LUZP2: variants seen among roughly 807,000 people sequenced by gnomAD.
LUZP2 encodes the protein leucine zipper protein 2.
LUZP2 carries 52 observed loss-of-function variants against 51.6 expected under a neutral mutation model. That is an observed-to-expected ratio of 1.01 (90% CI 0.81 to 1.27). The LOEUF (loss-of-function observed/expected upper bound fraction) is 1.27, where lower values mean the gene tolerates loss of function less well. Among genes scored for constraint, LUZP2 ranks in the 50% most tolerant of loss-of-function variants. LUZP2 has a pLI of 0.00. For synonymous variants in LUZP2, 154 were observed against 137.3 expected, an observed-to-expected ratio of 1.12 and a Z score of -0.85; for missense variants, 436 against 395.4, an observed-to-expected ratio of 1.10 and a Z score of -0.87.
intron 9 of LUZP2, among the ~76,000 whole-genome samples, chr11:25,001,464 A>C (rs1856679653): frequency 6.6e-6 from 1 of 152,152 alleles, no homozygotes; most frequent in Admixed American, 6.6e-5. Flanking sequence ...TAAGATTTAG[A>C]TCCCCTGTTA....
At chr11:24,926,245 A>G (rs190298969) in intron 7 of LUZP2, among the ~76,000 whole-genome samples, 3 of 146,462 alleles carry the variant, frequency 2.0e-5, no homozygotes, top group Admixed American at 6.9e-5. Flanking sequence ...ATGTGTGTGT[A>G]TATATATACG....
intron 5 of LUZP2, among the ~76,000 whole-genome samples, chr11:24,875,825 G>C (rs1852239819): frequency 6.6e-6 from 1 of 152,146 alleles, no homozygotes; most frequent in Non-Finnish European, 1.5e-5. Context: ...TCTCATTGTG[G>C]TTTTGATTTG....
chr11:24,977,796 T>A lies in LUZP2; in HGVS notation c.597+1131T>A, dbSNP rs564426196. On this transcript the variant is annotated intron_variant, in intron 8 of 11. Coordinates refer to ENST00000336930, the MANE Select transcript of LUZP2 (RefSeq NM_001009909.4). ...GATATATGTAACAAGTATATATGTATTTTATTATCAAAATTTTGCTTTTAA... is the reference window on the plus strand; with the variant it reads ...GATATATGTAACAAGTATATATGTAATTTATTATCAAAATTTTGCTTTTAA... Among the ~76,000 whole-genome samples the A allele has an allele frequency of 3.3e-5, 5 of 151,716 alleles. No homozygotes were observed. In the East Asian group the frequency reaches 9.7e-4, roughly 29 times the overall value.
At chr11:24,530,762 C>CTTTTTTTTTTTTTTTT (rs367857815) in intron 1 of LUZP2, among the ~76,000 whole-genome samples, 4 of 75,382 alleles carry the variant, frequency 5.3e-5, no homozygotes, top group African/African-American at 8.6e-5. Context: ...CTTCTTCTTA[C>CTTTTTTTTTTTTTTTT]TTTTTTTTTT....
intron 7 of LUZP2, among the ~76,000 whole-genome samples, chr11:24,961,405 G>T (rs1051366717): frequency 2.6e-5 from 4 of 152,066 alleles, no homozygotes; most frequent in African/African-American, 9.7e-5. Flanking sequence ...GGTCACTCAG[G>T]ACTTGCTTTA....
chr11:24,930,347 G>T (rs1005365954), intron 7 of LUZP2, among the ~76,000 whole-genome samples: 7 of 152,210 alleles, frequency 4.6e-5, no homozygotes, highest in Middle Eastern at 3.4e-3. Flanking sequence ...GCTTTAAGGA[G>T]ATTCTATTTT....
intron 6 of LUZP2, 51 bp downstream of exon 6, chr11:24,906,104 T>G (rs751581559): frequency 7.2e-7 from 1 of 1,393,484 alleles, no homozygotes; most frequent in South Asian, 1.2e-5. Flanking sequence ...AACAGTATTA[T>G]TGTCAGATTT....
chr11:25,000,071 G>GGTCCATTTTACAGAGTGCTGATTC (rs1182552217), intron 9 of LUZP2, among the ~76,000 whole-genome samples: 1 of 152,102 alleles, frequency 6.6e-6, no homozygotes, highest in African/African-American at 2.4e-5. Flanking sequence ...AGTGCTGATT[G>GGTCCATTTTACAGAGTGCTGATTC]GTCCGTTTGT....
intron 1 of LUZP2, among the ~76,000 whole-genome samples, chr11:24,527,473 T>G (rs1309573928): frequency 6.6e-6 from 1 of 151,250 alleles, no homozygotes. Flanking sequence ...TCTGGATATG[T>G]TTTTAAATAT....
chr11:24,822,360 C>T (rs759181339), intron 5 of LUZP2, among the ~76,000 whole-genome samples: 7 of 152,118 alleles, frequency 4.6e-5, no homozygotes, highest in Non-Finnish European at 7.4e-5. Context: ...CAGAGGTGAA[C>T]CACTCTTAGA....
chr11:24,774,413 A>G (rs1390974821), intron 5 of LUZP2, among the ~76,000 whole-genome samples: 1 of 132,486 alleles, frequency 7.5e-6, no homozygotes, highest in Non-Finnish European at 1.6e-5. Context: ...TAAAGAATAT[A>G]TTCTTTATAT....
intron 1 of LUZP2, among the ~76,000 whole-genome samples, chr11:24,606,948 C>G (rs148260160): frequency 6.6e-6 from 1 of 151,806 alleles, no homozygotes; most frequent in Non-Finnish European, 1.5e-5. Flanking sequence ...TGTTTTCCTA[C>G]GAAAAATTTG....
At chr11:24,985,617 C>G (rs1418619334) in intron 9 of LUZP2, among the ~76,000 whole-genome samples, 1 of 151,636 alleles carries the variant, frequency 6.6e-6, no homozygotes, top group Non-Finnish European at 1.5e-5. Context: ...TTGTCATGAC[C>G]TAGTGACTAA....
At chr11:24,709,663 C>A (rs1857741661) in intron 1 of LUZP2, among the ~76,000 whole-genome samples, 1 of 152,050 alleles carries the variant, frequency 6.6e-6, no homozygotes. Flanking sequence ...CTAATGGGAT[C>A]TCAATAAATA....
At chr11:24,726,808 T>C (rs1048196987) in intron 1 of LUZP2, among the ~76,000 whole-genome samples, 1 of 152,086 alleles carries the variant, frequency 6.6e-6, no homozygotes, top group Non-Finnish European at 1.5e-5. Context: ...TTACTTTTCA[T>C]GTAAGCAAGA....
intron 7 of LUZP2, among the ~76,000 whole-genome samples, chr11:24,938,271 A>AAATCAAATAAATTCACAATATGCTTTT (rs1854646244): frequency 6.6e-6 from 1 of 152,204 alleles, no homozygotes. Context: ...ATTAAAGAAA[A>AAATCAAATAAATTCACAATATGCTTTT]GAAATAAATG....
At chr11:25,021,351 A>G (rs958442997) in intron 9 of LUZP2, among the ~76,000 whole-genome samples, 1 of 152,082 alleles carries the variant, frequency 6.6e-6, no homozygotes, top group African/African-American at 2.4e-5. Flanking sequence ...CCATGCACAA[A>G]AAAACAAGAT....
chr11:24,663,594 C>A (rs1856098465), intron 1 of LUZP2, among the ~76,000 whole-genome samples: 1 of 151,992 alleles, frequency 6.6e-6, no homozygotes, highest in African/African-American at 2.4e-5. Context: ...AATCTTTTAT[C>A]TTTCAAATCT....
intron 5 of LUZP2, among the ~76,000 whole-genome samples, chr11:24,773,084 T>A (rs1217475543): frequency 3.8e-5 from 1 of 26,374 alleles, no homozygotes; most frequent in African/African-American, 9.4e-5. Flanking sequence ...CAGTGTAGTT[T>A]TTTTTTTTTT....
Sources: allele counts gnomAD v4.1 joint callset (sites outside exome capture counted in the v4.1 genomes callset), GRCh38; gene constraint gnomAD v4.1.1; transcripts MANE v1.5; gene names NCBI Gene and HGNC (gene_info 2026-07-23, HGNC 2026-07-21).